HDAC9: variants seen among roughly 807,000 people sequenced by gnomAD.
The protein encoded by HDAC9 is MEF-2 interacting transcription repressor (MITR) protein.
A neutral mutation model predicts 139.4 loss-of-function variants in HDAC9; 41 were observed. The observed-to-expected ratio is 0.29, with a 90% CI of 0.23 to 0.38. The LOEUF (loss-of-function observed/expected upper bound fraction) is 0.38, where lower values mean the gene tolerates loss of function less well. Ranked by LOEUF, HDAC9 falls within the 10% of genes least tolerant of loss-of-function variation. The pLI, the probability that HDAC9 is intolerant of heterozygous loss-of-function variation, is 1.00. For missense variants in HDAC9, 1,147 were observed against 1,297.0 expected, an observed-to-expected ratio of 0.88 and a Z score of 1.78; for synonymous variants, 517 against 476.2, an observed-to-expected ratio of 1.09 and a Z score of -1.12.
intron 2 of HDAC9, chr7:18,162,362 G>C (rs1787687513): frequency 6.5e-7 from 1 of 1,533,806 alleles, no homozygotes; most frequent in Non-Finnish European, 8.7e-7. Context: ...CAGTCTGGTT[G>C]CTTCTTAAAC....
chr7:18,249,315 C>T (rs1313460725), intron 2 of HDAC9, among the ~76,000 whole-genome samples: 1 of 151,578 alleles, frequency 6.6e-6, no homozygotes, highest in Non-Finnish European at 1.5e-5. Flanking sequence ...CCAGCCTGGC[C>T]AACATGGTGA....
chr7:18,793,557 G>A, intron 17 of HDAC9, 105 bp downstream of exon 17: 1 of 778,018 alleles, frequency 1.3e-6, no homozygotes. Flanking sequence ...ATAAAAGGAA[G>A]GGCAGAAGGA....
At chr7:18,759,938 A>T (rs1244472420) in intron 14 of HDAC9, among the ~76,000 whole-genome samples, 1 of 152,214 alleles carries the variant, frequency 6.6e-6, no homozygotes, top group African/African-American at 2.4e-5. Context: ...ACCGGAAGTA[A>T]AAATTTAATT....
Position 18,363,558 on chromosome 7 carries a change from T to C in HDAC9, c.-42+73043T>C, listed in dbSNP as rs539638470. On this transcript the variant is annotated intron_variant, in intron 1 of 3. Transcript: ENST00000413509. ...GTGCTATGTAAATAAATCAGTGGCA[T>C]CTAAGTTAGACTTGATTTTGAAGTG... 3.9e-5 allele frequency among the ~76,000 whole-genome samples: 6 copies of C among 152,316 alleles called. No individual in the cohort carries two copies. The South Asian group carries it at 6.2e-4, about 16-fold the overall frequency.
upstream of HDAC9, among the ~76,000 whole-genome samples, chr7:18,494,337 C>T (rs1476831336): frequency 6.6e-6 from 1 of 152,020 alleles, no homozygotes; most frequent in South Asian, 2.1e-4. Context: ...CTCTGTGTCC[C>T]CTTGTTTGCC....
At chr7:18,621,799 T>C (rs1216365837) in intron 6 of HDAC9, among the ~76,000 whole-genome samples, 2 of 152,200 alleles carry the variant, frequency 1.3e-5, no homozygotes, top group Non-Finnish European at 2.9e-5. Flanking sequence ...AGTAGTACTT[T>C]TGAAAATATG....
intron 1 of HDAC9, among the ~76,000 whole-genome samples, chr7:18,147,825 A>G (rs942640127): frequency 6.6e-6 from 1 of 151,978 alleles, no homozygotes. Context: ...CTTGAACTTT[A>G]TATATGTGGT....
chr7:18,934,954 G>A (rs1376038851), intron 22 of HDAC9, among the ~76,000 whole-genome samples: 1 of 152,024 alleles, frequency 6.6e-6, no homozygotes, highest in Non-Finnish European at 1.5e-5. Flanking sequence ...GACATATAAT[G>A]GCCTACTAGA....
rs1563011534 is a variant in HDAC9 at position 18,874,605 on chromosome 7, CTCT to C, written c.2803+11_2803+13del. On this transcript the variant is annotated intron_variant, in intron 22 of 25. Transcript: ENST00000686413. Reference sequence around the variant, plus strand: ...CAAAGTGACGGCAAAATGTAAGTACCTCTTTCAGGACTTTACGAAAGGCTCTGA... The same window carrying C: ...CAAAGTGACGGCAAAATGTAAGTACCTTCAGGACTTTACGAAAGGCTCTGA... 2 of 1,491,918 alleles carry C rather than the reference CTCT, an allele frequency of 1.3e-6. No homozygotes were observed. The allele number at this position is 1,491,918 out of a possible 1,614,324, so 92.4% of individuals were successfully genotyped here. A position where few individuals can be genotyped will look rare whatever the true frequency, so the allele number is the denominator to read the frequency against.
chr7:18,317,094 A>AAAAT (rs71014322), intron 1 of HDAC9, among the ~76,000 whole-genome samples: 4,090 of 127,556 alleles, frequency 0.032, 108 homozygotes, highest in South Asian at 0.054. Flanking sequence ...ACTCTGTCTC[A>AAAAT]AAATAAATAA....
chr7:18,959,269 A>C (rs1783365890), intron 24 of HDAC9, among the ~76,000 whole-genome samples: 1 of 152,186 alleles, frequency 6.6e-6, no homozygotes, highest in Non-Finnish European at 1.5e-5. Flanking sequence ...TTTAAGTTCT[A>C]AAAACAAATA....
At chr7:18,392,387 GGATA>G (rs1293682155) in intron 1 of HDAC9, among the ~76,000 whole-genome samples, 12 of 130,446 alleles carry the variant, frequency 9.2e-5, no homozygotes, top group South Asian at 5.2e-4. Flanking sequence ...CTAGATAGAT[GGATA>G]GATAGATGGA....
At chr7:18,712,316 G>T (rs1431086234) in intron 12 of HDAC9, among the ~76,000 whole-genome samples, 2 of 152,026 alleles carry the variant, frequency 1.3e-5, no homozygotes, top group Admixed American at 1.3e-4. Flanking sequence ...TACCAACCTT[G>T]CTTCAAACTC....
chr7:18,488,150 T>G (rs1796109609), intron 1 of HDAC9, among the ~76,000 whole-genome samples: 1 of 152,038 alleles, frequency 6.6e-6, no homozygotes, highest in South Asian at 2.1e-4. Flanking sequence ...AAAAATAGTC[T>G]TTTCTTGAAA....
intron 23 of HDAC9, among the ~76,000 whole-genome samples, chr7:18,939,609 T>C (rs1781883709): frequency 1.3e-5 from 2 of 152,208 alleles, no homozygotes; most frequent in South Asian, 4.1e-4. Context: ...ATTTTATTCT[T>C]TTAGAAAAGT....
At chr7:18,265,932 A>G (rs1471766513) in intron 2 of HDAC9, among the ~76,000 whole-genome samples, 1 of 152,204 alleles carries the variant, frequency 6.6e-6, no homozygotes, top group Admixed American at 6.5e-5. Context: ...ATAATACCAC[A>G]CCGAAACTTC....
chr7:18,920,127 T>G (rs6972767), intron 22 of HDAC9, among the ~76,000 whole-genome samples: 37,244 of 152,048 alleles, frequency 0.24, 4,946 homozygotes, highest in East Asian at 0.39. Context: ...TCCTGCCCAT[T>G]AGCATGGAAT....
At chr7:18,390,006 A>G (rs1321030378) in intron 1 of HDAC9, among the ~76,000 whole-genome samples, 1 of 151,080 alleles carries the variant, frequency 6.6e-6, no homozygotes, top group Non-Finnish European at 1.5e-5. Context: ...AAAAAATAAG[A>G]TATTTTTAGA....
chr7:18,781,954 T>A (rs1365545820), intron 16 of HDAC9, among the ~76,000 whole-genome samples: 1 of 152,138 alleles, frequency 6.6e-6, no homozygotes, highest in Non-Finnish European at 1.5e-5. Flanking sequence ...GATTTTTATT[T>A]TATTTTGCGG....
Sources: allele counts gnomAD v4.1 joint callset (sites outside exome capture counted in the v4.1 genomes callset), GRCh38; gene constraint gnomAD v4.1.1; transcripts MANE v1.5; gene names NCBI Gene and HGNC (gene_info 2026-07-23, HGNC 2026-07-21).